GAP43: variants seen among roughly 807,000 people sequenced by gnomAD.
The protein encoded by GAP43 is growth associated protein 43.
Under a neutral mutation model 18.6 loss-of-function variants are expected in GAP43, and 6 were observed. The observed-to-expected ratio is 0.32, with a 90% CI of 0.18 to 0.64. The LOEUF (loss-of-function observed/expected upper bound fraction) is 0.64. Ranked by LOEUF, GAP43 falls within the 30% of genes least tolerant of loss-of-function variation. The pLI, the probability that GAP43 is intolerant of heterozygous loss-of-function variation, is 0.78. For synonymous variants in GAP43, 115 were observed against 111.4 expected, an observed-to-expected ratio of 1.03 and a Z score of -0.20; for missense variants, 292 against 295.5, an observed-to-expected ratio of 0.99 and a Z score of 0.09.
At chr3:115,713,288 G>A (rs1709464081) in intron 2 of GAP43, among the ~76,000 whole-genome samples, 2 of 152,226 alleles carry the variant, frequency 1.3e-5, no homozygotes, top group South Asian at 2.1e-4. Context: ...GATTGGTAGA[G>A]TAATTGTGGG....
chr3:115,624,430 C>G (rs988784163), intron 1 of GAP43, among the ~76,000 whole-genome samples: 1 of 151,934 alleles, frequency 6.6e-6, no homozygotes, highest in African/African-American at 2.4e-5. Flanking sequence ...GAGGGTGGAC[C>G]ACGCCCCTAG....
At position 115,666,168 on chromosome 3, in the gene GAP43, CAGTT is replaced by C. The variant is rs201474704; in HGVS notation, c.31-9844_31-9841del. Among the ~76,000 whole-genome samples, 1,472 of 152,128 alleles carry C rather than the reference CAGTT, an allele frequency of 9.7e-3. 27 individuals carry two copies. Among genetic ancestry groups the C allele is most frequent in the African/African-American group, 0.033 (1,365 of 41,502 alleles). ...AAGTTAGAGAAGACTGAGAAGGAAT[CAGTT>C]GGTGTGTGTCAGGTGATAGTAGAGT... is the stretch of plus-strand genomic sequence containing the variant. On this transcript the variant is annotated intron_variant, in intron 1 of 2. Coordinates refer to ENST00000305124, the MANE Select transcript of GAP43 (RefSeq NM_002045.4).
intron 1 of GAP43, among the ~76,000 whole-genome samples, chr3:115,648,274 G>A (rs188293113): frequency 1.3e-5 from 2 of 152,122 alleles, no homozygotes; most frequent in East Asian, 3.9e-4. Flanking sequence ...CCTTCAGGTA[G>A]ACCCTATCTG....
intron 2 of GAP43, among the ~76,000 whole-genome samples, chr3:115,718,988 A>C (rs990114618): frequency 6.6e-5 from 10 of 152,290 alleles, no homozygotes; most frequent in Non-Finnish European, 1.3e-4. Context: ...TAATGACCCC[A>C]TTTCTCTAAT....
chr3:115,682,599 T>C (rs1816663), intron 2 of GAP43, among the ~76,000 whole-genome samples: 136,140 of 152,156 alleles, frequency 0.89, 61,112 homozygotes, highest in Middle Eastern at 0.94. Flanking sequence ...TACAGTGGCA[T>C]GATCTCAGCT....
At chr3:115,689,311 A>T (rs1266716147) in intron 2 of GAP43, among the ~76,000 whole-genome samples, 2 of 152,140 alleles carry the variant, frequency 1.3e-5, no homozygotes, top group Non-Finnish European at 2.9e-5. Context: ...TAGACTTTTC[A>T]TTTCTTGAAG....
Position 115,668,820 on chromosome 3 carries a change from C to A in GAP43, c.31-7193C>A, listed in dbSNP as rs1382976484. 2.6e-5 allele frequency among the ~76,000 whole-genome samples: 4 copies of A among 152,152 alleles called. No homozygotes were observed. In the East Asian group the frequency reaches 5.9e-4, roughly 22 times the overall value. On this transcript the variant is annotated intron_variant, in intron 1 of 2. Transcript: ENST00000305124. ...TTGGGAGGCCGAGGCAGGAAGATGG[C>A]TTGAGTCCAGGAGTTTGAGACCAGC...
At position 115,708,486 on chromosome 3, in the gene GAP43, A is replaced by G. The variant is rs567631389; in HGVS notation, c.629-12308A>G. 4.6e-5 allele frequency among the ~76,000 whole-genome samples: 7 copies of G among 152,340 alleles called. No individual in the cohort carries two copies. The South Asian group carries it at 1.4e-3, about 32-fold the overall frequency. Reference sequence around the variant, plus strand: ...AAGTCCAAGAAGGGAATTCTTGTGCATATAATTTATTGGTGCAAACTTATA... The same window carrying G: ...AAGTCCAAGAAGGGAATTCTTGTGCGTATAATTTATTGGTGCAAACTTATA... On this transcript the variant is annotated intron_variant, in intron 2 of 2. Coordinates refer to ENST00000305124, the MANE Select transcript of GAP43 (RefSeq NM_002045.4).
intron 1 of GAP43, among the ~76,000 whole-genome samples, chr3:115,647,155 CT>C (rs374659038): frequency 1.4e-5 from 2 of 138,420 alleles, no homozygotes; most frequent in African/African-American, 5.3e-5. Flanking sequence ...GATTAGTGCC[CT>C]TTTAAAGAGA....
chr3:115,645,570 A>G (rs775264609), intron 1 of GAP43, among the ~76,000 whole-genome samples: 7 of 151,656 alleles, frequency 4.6e-5, no homozygotes, highest in Non-Finnish European at 8.8e-5. Context: ...AAAATACTAA[A>G]ATTTCATATT....
intron 1 of GAP43, among the ~76,000 whole-genome samples, chr3:115,650,722 T>C (rs1708511038): frequency 6.6e-6 from 1 of 152,204 alleles, no homozygotes; most frequent in Non-Finnish European, 1.5e-5. Flanking sequence ...CTTTGATATA[T>C]AACTATAATT....
At chr3:115,647,762 A>AAG (rs1553720749) in intron 1 of GAP43, among the ~76,000 whole-genome samples, 1 of 140,064 alleles carries the variant, frequency 7.1e-6, no homozygotes, top group Non-Finnish European at 1.6e-5. Context: ...AAAAAACAAA[A>AAG]AAAAAAAACG....
chr3:115,643,145 G>T lies in GAP43; in HGVS notation c.30+19426G>T, dbSNP rs543118977. On this transcript the variant is annotated intron_variant, in intron 1 of 2. Coordinates refer to ENST00000305124, the MANE Select transcript of GAP43 (RefSeq NM_002045.4). The stretch of plus-strand genomic sequence containing the variant: ...CTGCCTCTACTTAGAAACCAGAGAG[G>T]CTCATCATTTGCAAGGAGCTGAAAT... Among the ~76,000 whole-genome samples, 85 of 152,124 alleles carry T rather than the reference G, an allele frequency of 5.6e-4. 1 individual carries two copies. The highest frequency in any genetic ancestry group is 2.0e-3 in the African/African-American group (85 of 41,540).
rs144404501 is a variant in GAP43 at position 115,700,407 on chromosome 3, G to T, written c.629-20387G>T. ...TGACAGCATTCCAATCCAGAGCAAA[G>T]TTCTGTTTCCCTAAAACCACCTCCA... On this transcript the variant is annotated intron_variant, in intron 2 of 2. Transcript: ENST00000305124. Among the ~76,000 whole-genome samples the T allele has an allele frequency of 6.0e-4, 91 of 152,182 alleles. 1 individual carries two copies. Among genetic ancestry groups the T allele is most frequent in the African/African-American group, 2.2e-3 (91 of 41,534 alleles).
At chr3:115,642,481 C>T (rs1344279750) in intron 1 of GAP43, among the ~76,000 whole-genome samples, 3 of 151,114 alleles carry the variant, frequency 2.0e-5, no homozygotes, top group South Asian at 2.1e-4. Context: ...ATATGTGTGT[C>T]GATTTAAAAG....
At chr3:115,706,277 GATTCCAGC>G (rs1341791432) in intron 2 of GAP43, among the ~76,000 whole-genome samples, 1 of 152,096 alleles carries the variant, frequency 6.6e-6, no homozygotes, top group African/African-American at 2.4e-5. Flanking sequence ...TCAAGTATAG[GATTCCAGC>G]ATTATGATTA....
chr3:115,683,315 T>C (rs1451278585), intron 2 of GAP43, among the ~76,000 whole-genome samples: 2 of 151,960 alleles, frequency 1.3e-5, no homozygotes, highest in Non-Finnish European at 2.9e-5. Flanking sequence ...GCTTAAGGGA[T>C]GGGGTTGATA....
At chr3:115,654,838 CACAGT>C (rs889898301) in intron 1 of GAP43, among the ~76,000 whole-genome samples, 2 of 152,066 alleles carry the variant, frequency 1.3e-5, no homozygotes, top group Non-Finnish European at 2.9e-5. Flanking sequence ...CAGAAATGTA[CACAGT>C]ACAGTGCAGC....
At chr3:115,688,342 C>T (rs1709061294) in intron 2 of GAP43, among the ~76,000 whole-genome samples, 1 of 152,182 alleles carries the variant, frequency 6.6e-6, no homozygotes, top group Non-Finnish European at 1.5e-5. Context: ...ATTATTATAT[C>T]CATGGGTACT....
Sources: allele counts gnomAD v4.1 joint callset (sites outside exome capture counted in the v4.1 genomes callset), GRCh38; gene constraint gnomAD v4.1.1; transcripts MANE v1.5; gene names NCBI Gene and HGNC (gene_info 2026-07-23, HGNC 2026-07-21).